M1AP: variants seen among roughly 807,000 people sequenced by gnomAD.
The protein encoded by M1AP is meiosis 1 associated protein, also known as meiosis 1 arrest protein.
Under a neutral mutation model 51.2 loss-of-function variants are expected in M1AP, and 39 were observed. The ratio of observed to expected loss-of-function variants is 0.76; its 90% CI spans 0.59 to 1.00. The LOEUF (loss-of-function observed/expected upper bound fraction) is 1.00, where lower values mean the gene tolerates loss of function less well. Among genes scored for constraint, M1AP ranks in the 50% least tolerant of loss-of-function variants. M1AP has a pLI of 0.00. For missense variants in M1AP, 545 were observed against 641.2 expected (o/e 0.85, Z 1.62); for synonymous variants, 251 against 249.2 (o/e 1.01, Z -0.07).
intron 4 of M1AP, among the ~76,000 whole-genome samples, chr2:74,593,275 T>C (rs751603739): frequency 7.2e-5 from 11 of 152,114 alleles, no homozygotes; most frequent in Non-Finnish European, 1.3e-4. Context: ...AAGAACCAAA[T>C]TGAAAAAGAG....
chr2:74,637,991 G>A (rs1052672803), intron 2 of M1AP, among the ~76,000 whole-genome samples: 20 of 151,872 alleles, frequency 1.3e-4, no homozygotes, highest in African/African-American at 3.4e-4. Context: ...ACTGGCACCC[G>A]CCCCTAGGTT....
At chr2:74,630,802 C>T (rs925767342) in intron 2 of M1AP, among the ~76,000 whole-genome samples, 2 of 152,108 alleles carry the variant, frequency 1.3e-5, no homozygotes, top group Admixed American at 6.5e-5. Context: ...CACATGTGTG[C>T]ATGTATCTTT....
intron 4 of M1AP, among the ~76,000 whole-genome samples, chr2:74,603,186 T>C (rs953720353): frequency 6.6e-6 from 1 of 152,082 alleles, no homozygotes; most frequent in Non-Finnish European, 1.5e-5. Flanking sequence ...AAAGGGGATA[T>C]AGAGGATGCT....
intron 4 of M1AP, among the ~76,000 whole-genome samples, chr2:74,604,190 T>C (rs2104690669): frequency 6.6e-6 from 1 of 152,376 alleles, no homozygotes; most frequent in Middle Eastern, 3.4e-3. Context: ...CTCCCACCTC[T>C]GCCTGACAGG....
intron 7 of M1AP, among the ~76,000 whole-genome samples, chr2:74,570,047 A>T (rs566888875): frequency 6.6e-6 from 1 of 152,262 alleles, no homozygotes; most frequent in East Asian, 1.9e-4. Flanking sequence ...CTTTGAATAC[A>T]CAAATCACTT....
At chr2:74,621,049 G>A (rs1230681481) in intron 2 of M1AP, 1 of 152,192 alleles carries the variant, frequency 6.6e-6, no homozygotes, top group Non-Finnish European at 1.5e-5. Flanking sequence ...GGCCGAGGCA[G>A]GCGGATCACG....
At chr2:74,638,969 C>T (rs1683137316) in intron 2 of M1AP, among the ~76,000 whole-genome samples, 2 of 152,166 alleles carry the variant, frequency 1.3e-5, no homozygotes, top group Admixed American at 6.5e-5. Context: ...ATCCTTTTCC[C>T]ATCCCCAACC....
intron 1 of M1AP, among the ~76,000 whole-genome samples, chr2:74,644,191 T>C (rs1364283500): frequency 1.3e-5 from 2 of 152,152 alleles, no homozygotes; most frequent in African/African-American, 2.4e-5. Flanking sequence ...ACAAAGATAA[T>C]TATGATAATT....
chr2:74,612,354 G>A (rs1231051765), intron 3 of M1AP, among the ~76,000 whole-genome samples: 1 of 152,008 alleles, frequency 6.6e-6, no homozygotes, highest in African/African-American at 2.4e-5. Context: ...AAAGTAGCTA[G>A]GACTACAGGT....
Position 74,648,301 on chromosome 2 carries a change from T to C in M1AP, c.-89A>G. 1 of 985,454 alleles carries C rather than the reference T, an allele frequency of 1.0e-6. No homozygotes were observed. The highest frequency in any genetic ancestry group is 1.2e-6 in the Non-Finnish European group (1 of 829,962). The allele number at this position is 985,454 out of a possible 1,614,324, so 61.0% of individuals were successfully genotyped here. ...AGACGGAGGCCCCCTCACCTGGTCC[T>C]CCCGGCTCTCAGCGTGCGCCCGCGC... On this transcript the variant is annotated 5_prime_UTR_variant, in exon 1 of 11. Coordinates refer to ENST00000421985, the MANE Select transcript of M1AP (RefSeq NM_001321739.2).
chr2:74,647,462 A>AC, intron 1 of M1AP: 7 of 886,912 alleles, frequency 7.9e-6, no homozygotes, highest in Non-Finnish European at 9.5e-6. Context: ...GTCTTCGTGG[A>AC]CCCCTTCCTC....
intron 7 of M1AP, among the ~76,000 whole-genome samples, chr2:74,563,993 A>G (rs1678209968): frequency 3.3e-5 from 5 of 152,250 alleles, no homozygotes; most frequent in Admixed American, 3.3e-4. Flanking sequence ...GGTGATCTTC[A>G]GTTACATCTG....
intron 4 of M1AP, among the ~76,000 whole-genome samples, chr2:74,606,152 G>A (rs185379089): frequency 1.3e-5 from 2 of 152,338 alleles, no homozygotes; most frequent in Non-Finnish European, 2.9e-5. Context: ...GCAGGAGGCA[G>A]GGCATGTGTG....
At chr2:74,576,214 A>C (rs1265760959) in intron 6 of M1AP, among the ~76,000 whole-genome samples, 1 of 152,200 alleles carries the variant, frequency 6.6e-6, no homozygotes, top group Non-Finnish European at 1.5e-5. Flanking sequence ...TCAAAAGAAA[A>C]ACAATCCTCA....
chr2:74,619,705 A>G (rs1000744848), intron 2 of M1AP, among the ~76,000 whole-genome samples: 4 of 152,256 alleles, frequency 2.6e-5, no homozygotes, highest in African/African-American at 9.6e-5. Flanking sequence ...ACCGTTAACT[A>G]ATCCATAGTG....
intron 2 of M1AP, among the ~76,000 whole-genome samples, chr2:74,620,017 A>G (rs1681909391): frequency 6.6e-6 from 1 of 152,224 alleles, no homozygotes; most frequent in African/African-American, 2.4e-5. Context: ...AAAATGTGAA[A>G]AATAAGAAAA....
chr2:74,644,492 C>T (rs898936855), intron 1 of M1AP, among the ~76,000 whole-genome samples: 4 of 150,820 alleles, frequency 2.7e-5, no homozygotes, highest in African/African-American at 2.4e-5. Context: ...GAGCCAAGAT[C>T]GCGCCATTGC....
intron 4 of M1AP, among the ~76,000 whole-genome samples, chr2:74,589,560 CT>C (rs1174852757): frequency 6.6e-6 from 1 of 152,222 alleles, no homozygotes; most frequent in Admixed American, 6.5e-5. Flanking sequence ...AAGCTATCAG[CT>C]TGTGTAAGGT....
At chr2:74,609,729 T>A (rs939346112) in intron 3 of M1AP, among the ~76,000 whole-genome samples, 30 of 152,356 alleles carry the variant, frequency 2.0e-4, no homozygotes, top group Non-Finnish European at 3.2e-4. Flanking sequence ...TGTTATTTTT[T>A]AAATCTTTTA....
Sources: gnomAD v4.1 joint callset for allele counts (sites outside exome capture counted in the v4.1 genomes callset) on GRCh38, gnomAD v4.1.1 for gene constraint, MANE v1.5 for transcripts, NCBI Gene and HGNC (gene_info 2026-07-23, HGNC 2026-07-21) for gene names.